Variants in KIF18B observed in about 807,000 individuals in gnomAD.
KIF18B encodes kinesin family member 18B, also known as kinesin-like protein KIF18B.
A neutral mutation model predicts 80.9 loss-of-function variants in KIF18B; 49 were observed. The observed-to-expected ratio is 0.61, with a 90% CI of 0.48 to 0.77. The LOEUF (loss-of-function observed/expected upper bound fraction) is 0.77, where lower values mean the gene tolerates loss of function less well. KIF18B is among the 30% of genes least tolerant of loss of function. The pLI, the probability that KIF18B is intolerant of heterozygous loss-of-function variation, is 0.00. For synonymous variants in KIF18B, 439 were observed against 463.9 expected (o/e 0.95, Z 0.69); for missense variants, 994 against 1,127.7 (o/e 0.88, Z 1.70).
At chr17:44,931,957 G>A (rs763278101) in intron 10 of KIF18B, 99 bp downstream of exon 10, 17 of 1,324,864 alleles carry the variant, frequency 1.3e-5, no homozygotes, top group South Asian at 8.7e-5. Context: ...ACATAGAGAC[G>A]GGACTAAAGG....
chr17:44,942,085 C>T (rs2052432080), intron 1 of KIF18B, among the ~76,000 whole-genome samples: 1 of 152,134 alleles, frequency 6.6e-6, no homozygotes, highest in African/African-American at 2.4e-5. Context: ...GTCAATGTCG[C>T]ATCAGCTTCC....
intron 1 of KIF18B, among the ~76,000 whole-genome samples, chr17:44,945,762 C>T (rs767870527): frequency 1.8e-4 from 28 of 151,702 alleles, no homozygotes; most frequent in South Asian, 2.1e-4. Flanking sequence ...AAAAATTAGC[C>T]GGGTGTGGTG....
intron 14 of KIF18B, 110 bp downstream of exon 14, chr17:44,926,879 C>CAG (rs2052039351): frequency 9.6e-6 from 9 of 935,720 alleles, no homozygotes; most frequent in African/African-American, 1.6e-5. Flanking sequence ...GCTGCTTGCT[C>CAG]CGGGGGTGTA....
chr17:44,930,201 A>T (rs1463330709), intron 11 of KIF18B, among the ~76,000 whole-genome samples: 1 of 152,260 alleles, frequency 6.6e-6, no homozygotes, highest in Admixed American at 6.5e-5. Flanking sequence ...GGAAGATTAG[A>T]CAATTGCGAA....
chr17:44,931,505 G>T (rs1299368900), intron 11 of KIF18B, 97 bp downstream of exon 11: 2 of 1,511,938 alleles, frequency 1.3e-6, no homozygotes, highest in Non-Finnish European at 1.8e-6. Context: ...GAAGAGACAG[G>T]GCTTTTGTGA....
rs772134493 is a variant in KIF18B, at chr17:44,928,367, C to T, written c.1935G>A (p.Arg645=). The part of the protein sequence containing the change: ...LEADSPMAPK[R]GTKRQRQSFL... ...AGGACTGGCGCTGGCGCTTGGTGCC[C>T]CGCTTTGGGGCCATGGGACTGTCTG... The change falls in exon 13 of 16, where the codon CGG becomes CGA. Residue 645 remains arginine (R), a synonymous_variant. Transcript: ENST00000593135. 1 of 1,592,338 alleles carries T rather than the reference C, an allele frequency of 6.3e-7. No individual in the cohort carries two copies. Among genetic ancestry groups the T allele is most frequent in the Non-Finnish European group, 8.5e-7 (1 of 1,170,874 alleles).
chr17:44,925,443 A>G lies in KIF18B; in HGVS notation c.*637T>C, dbSNP rs1217487524. ...AGCCTGGGCGACAGAGCGAGACTCC[A>G]TCTCAAAAAAAAAAAAGATGGGGGA... is the stretch of plus-strand genomic sequence containing the variant. On this transcript the variant is annotated 3_prime_UTR_variant, in exon 16 of 16. Coordinates refer to ENST00000593135, the MANE Select transcript of KIF18B (RefSeq NM_001265577.2). 3 of 152,122 alleles carry G rather than the reference A, an allele frequency of 2.0e-5. No homozygotes were observed. Among genetic ancestry groups the G allele is most frequent in the Non-Finnish European group, 2.9e-5 (2 of 69,068 alleles). The allele number at this position is 152,122 out of a possible 1,614,324, so 9.4% of individuals were successfully genotyped here. A position where few individuals can be genotyped will look rare whatever the true frequency, so the allele number is the denominator to read the frequency against.
At chr17:44,939,823 A>T (rs977140461) in intron 1 of KIF18B, among the ~76,000 whole-genome samples, 40 of 149,280 alleles carry the variant, frequency 2.7e-4, no homozygotes, top group African/African-American at 8.3e-4. Context: ...TTTTATTTTT[A>T]TTTTTTTTTT....
In KIF18B at chr17:44,934,033, C is replaced by A. The variant is rs749829707; in HGVS notation, c.952G>T (p.Gly318Cys). The change falls in exon 7 of 16, where the codon GGC (glycine) becomes TGC (cysteine). Residue 318 changes from glycine to cysteine, a missense_variant. By Grantham distance (159) the Gly-to-Cys change is radical (BLOSUM62 -3). Coordinates refer to ENST00000593135, the MANE Select transcript of KIF18B (RefSeq NM_001265577.2). This position sits in a 1 kb window ranked among gnomAD's most constrained non-coding sequence, Gnocchi z 5.4. ...LTRLLKDSLG[G>C]NCRTVMIAAI... is the part of the protein sequence containing the mutation. ...GCGATCATCACTGTGCGGCAGTTGC[C>A]CCCGAGGGAGTCTTTGAGCAGGCGG... 6.2e-7 allele frequency: 1 copy of A among 1,612,220 alleles called. No individual in the cohort carries two copies. The highest frequency in any genetic ancestry group is 2.2e-5 in the East Asian group (1 of 44,818).
chr17:44,931,516 T>C (rs972458906), intron 11 of KIF18B, 86 bp downstream of exon 11: 1 of 1,568,552 alleles, frequency 6.4e-7, no homozygotes, highest in Non-Finnish European at 8.8e-7. Flanking sequence ...GCTTTTGTGA[T>C]GTGCTTAACA....
At chr17:44,936,586 CTCTCTCTCTCTCTATATATATA>C (rs1465553729) in intron 1 of KIF18B, among the ~76,000 whole-genome samples, 70 of 57,862 alleles carry the variant, frequency 1.2e-3, no homozygotes, top group African/African-American at 4.0e-3. Context: ...CTCTCTCTCT[CTCTCTCTCTCTCTATATATATA>C]TATATATATA....
chr17:44,936,575 T>A (rs1175089309), intron 1 of KIF18B, among the ~76,000 whole-genome samples: 50 of 53,946 alleles, frequency 9.3e-4, no homozygotes, highest in Middle Eastern at 5.6e-3. Context: ...TCTCTCTCTC[T>A]CTCTCTCTCT....
chr17:44,938,072 A>G (rs900668954), intron 1 of KIF18B, among the ~76,000 whole-genome samples: 2 of 151,694 alleles, frequency 1.3e-5, no homozygotes, highest in Non-Finnish European at 2.9e-5. Flanking sequence ...CTGGAGTGCA[A>G]TGGTGCGATC....
At chr17:44,940,461 T>G (rs2052394456) in intron 1 of KIF18B, among the ~76,000 whole-genome samples, 1 of 152,170 alleles carries the variant, frequency 6.6e-6, no homozygotes, top group Non-Finnish European at 1.5e-5. Flanking sequence ...TCCAAACATA[T>G]ATTTACTCAT....
intron 1 of KIF18B, among the ~76,000 whole-genome samples, chr17:44,938,162 C>T (rs1034269109): frequency 1.1e-4 from 17 of 152,118 alleles, no homozygotes; most frequent in Non-Finnish European, 1.8e-4. Context: ...ATTACAGGTG[C>T]CCGCCGGTGC....
chr17:44,926,250 G>A (rs976963802), intron 15 of KIF18B, 64 bp from the exon 16 acceptor site: 12 of 1,601,462 alleles, frequency 7.5e-6, no homozygotes, highest in Admixed American at 3.4e-5. Flanking sequence ...CTCTGTCCCC[G>A]TCCTCCAGCC....
intron 1 of KIF18B, among the ~76,000 whole-genome samples, chr17:44,937,977 TACAC>T (rs57130293): frequency 0.26 from 37,345 of 143,812 alleles, 4,677 homozygotes; most frequent in Non-Finnish European, 0.29. Flanking sequence ...AGCATCTCCA[TACAC>T]ACACACACAC....
rs1458685010 is a variant in KIF18B, at chr17:44,925,254, TGG to T, written c.*824_*825del. 6.6e-6 allele frequency: 1 copy of T among 152,188 alleles called. No individual in the cohort carries two copies. The highest frequency in any genetic ancestry group is 1.5e-5 in the Non-Finnish European group (1 of 68,090). 9.4% of individuals were successfully genotyped at this position (152,188 alleles called of 1,614,324 possible). ...TCATGAGGTCAGATCGAGACCAGCCTGGCTAACACGGTGAAACCCCATCTCTA... is the reference window on the plus strand; with the variant it reads ...TCATGAGGTCAGATCGAGACCAGCCTCTAACACGGTGAAACCCCATCTCTA... On this transcript the variant is annotated 3_prime_UTR_variant, in exon 16 of 16. Coordinates refer to ENST00000593135, the MANE Select transcript of KIF18B (RefSeq NM_001265577.2).
At position 44,934,625 on chromosome 17, in the gene KIF18B, G is replaced by C; in HGVS notation, c.577-8C>G. On this transcript the variant is annotated splice_region_variant and splice_polypyrimidine_tract_variant and intron_variant, in intron 4 of 15. Transcript: ENST00000593135. The surrounding 1 kb of genome is among the most constrained non-coding windows in gnomAD (Gnocchi z 5.4). ...CTGCTCGGCTGAGGCTGGCTACAGAGGAGAAGCCCAGGAACGGGGCTGTGG... is the reference window on the plus strand; with the variant it reads ...CTGCTCGGCTGAGGCTGGCTACAGACGAGAAGCCCAGGAACGGGGCTGTGG... The C allele has an allele frequency of 6.3e-7, 1 of 1,592,648 alleles. No individual in the cohort carries two copies. Among genetic ancestry groups the C allele is most frequent in the South Asian group, 1.1e-5 (1 of 87,704 alleles).
Sources: allele counts gnomAD v4.1 joint callset (sites outside exome capture counted in the v4.1 genomes callset), GRCh38; gene constraint gnomAD v4.1.1; non-coding constraint Gnocchi (gnomAD v3.1); transcripts MANE v1.5; gene names NCBI Gene and HGNC (gene_info 2026-07-23, HGNC 2026-07-21).